Variants in SLC1A7 observed in about 807,000 individuals in gnomAD.
The protein encoded by SLC1A7 is excitatory amino acid transporter 5.
Under a neutral mutation model 47.7 loss-of-function variants are expected in SLC1A7, and 40 were observed. The observed-to-expected ratio is 0.84, with a 90% CI of 0.65 to 1.09. SLC1A7 has a LOEUF of 1.09. Ranked by LOEUF, SLC1A7 falls within the 50% of genes least tolerant of loss-of-function variation. The pLI is 0.00. For synonymous variants in SLC1A7, 323 were observed against 325.6 expected, an observed-to-expected ratio of 0.99 and a Z score of 0.09; for missense variants, 746 against 769.5, an observed-to-expected ratio of 0.97 and a Z score of 0.36.
rs764063522 is a variant in SLC1A7, at chr1:53,093,504, A to C, written c.754T>G (p.Cys252Gly). ...ATCTTCATGACCGACTCATTGAGGC[A>C]CTGGCAGAAGCTGACCAGGGGGGCC... Reference protein sequence around the residue: ...SGAPLVSFCQCLNESVMKIVA... With the variant: ...SGAPLVSFCQGLNESVMKIVA... The change falls in exon 6 of 11, where the codon TGC becomes GGC. Residue 252 changes from cysteine to glycine, a missense_variant. Coordinates refer to ENST00000371494, the MANE Select transcript of SLC1A7 (RefSeq NM_006671.6). 4 of 1,611,198 alleles carry C rather than the reference A, an allele frequency of 2.5e-6. No homozygotes were observed. The highest frequency in any genetic ancestry group is 3.4e-6 in the Non-Finnish European group (4 of 1,179,856).
intron 5 of SLC1A7, among the ~76,000 whole-genome samples, chr1:53,097,684 C>T (rs1240404307): frequency 6.7e-6 from 1 of 150,146 alleles, no homozygotes; most frequent in Non-Finnish European, 1.5e-5. Context: ...CGCTCTGCCT[C>T]AGTACACTCA....
At chr1:53,136,833 A>G (rs1009825952) in intron 1 of SLC1A7, among the ~76,000 whole-genome samples, 6 of 151,284 alleles carry the variant, frequency 4.0e-5, no homozygotes, top group Non-Finnish European at 8.8e-5. Flanking sequence ...AGCCCAGCTA[A>G]TTTTTGTATT....
intron 2 of SLC1A7, among the ~76,000 whole-genome samples, chr1:53,123,090 G>A (rs1475647780): frequency 6.6e-6 from 1 of 152,182 alleles, no homozygotes; most frequent in Non-Finnish European, 1.5e-5. Flanking sequence ...GAAGCTGGAG[G>A]AGCCACAGCT....
chr1:53,117,073 G>C (rs12043642), intron 2 of SLC1A7, among the ~76,000 whole-genome samples: 4 of 152,186 alleles, frequency 2.6e-5, no homozygotes, highest in African/African-American at 4.8e-5. Flanking sequence ...GAATCACTTC[G>C]AGCTAGGAAA....
chr1:53,124,335 G>T (rs1644858953), intron 2 of SLC1A7, among the ~76,000 whole-genome samples: 1 of 151,560 alleles, frequency 6.6e-6, no homozygotes, highest in Non-Finnish European at 1.5e-5. Flanking sequence ...GGCTGTCTTT[G>T]CTATGTTGTG....
In SLC1A7 at chr1:53,098,257, C is replaced by T. The variant is rs567678207; in HGVS notation, c.698-4697G>A. ...CCGCCTCAGTATACTCACCCTGCCT[C>T]GGTACACTCACACTGCCTTGGTAGG... On this transcript the variant is annotated intron_variant, in intron 5 of 10. Transcript: ENST00000371494. Among the ~76,000 whole-genome samples, 19 of 151,462 alleles carry T rather than the reference C, an allele frequency of 1.3e-4. 1 individual carries two copies. The South Asian group carries it at 2.7e-3, about 22-fold the overall frequency.
At chr1:53,136,619 T>TATAATATATAA (rs1557693401) in intron 1 of SLC1A7, among the ~76,000 whole-genome samples, 6 of 107,290 alleles carry the variant, frequency 5.6e-5, no homozygotes, top group Admixed American at 2.2e-4. Flanking sequence ...ATAATATATA[T>TATAATATATAA]AAACATATAT....
intron 2 of SLC1A7, among the ~76,000 whole-genome samples, chr1:53,124,513 C>T (rs1644860501): frequency 6.6e-6 from 1 of 152,190 alleles, no homozygotes; most frequent in Non-Finnish European, 1.5e-5. Flanking sequence ...AGATGCTGGT[C>T]TGACTTACCC....
At chr1:53,107,006 A>T (rs893921039) in intron 3 of SLC1A7, among the ~76,000 whole-genome samples, 3 of 151,912 alleles carry the variant, frequency 2.0e-5, no homozygotes, top group Admixed American at 6.6e-5. Flanking sequence ...AAATACAAAA[A>T]TTAGCTGAGT....
At chr1:53,088,457 G>C (rs1644383916) in intron 10 of SLC1A7, among the ~76,000 whole-genome samples, 1 of 152,102 alleles carries the variant, frequency 6.6e-6, no homozygotes, top group Non-Finnish European at 1.5e-5. Flanking sequence ...TTAATCCACA[G>C]GGTCCATCTG....
chr1:53,107,268 A>C (rs935313398), intron 3 of SLC1A7, among the ~76,000 whole-genome samples: 1 of 152,044 alleles, frequency 6.6e-6, no homozygotes, highest in Non-Finnish European at 1.5e-5. Context: ...GAACAAAATG[A>C]GCAATAAATC....
intron 2 of SLC1A7, among the ~76,000 whole-genome samples, chr1:53,117,117 G>T (rs1350227629): frequency 6.6e-6 from 1 of 152,228 alleles, no homozygotes; most frequent in Non-Finnish European, 1.5e-5. Flanking sequence ...GGTGGCATTT[G>T]ACCTGGCTCT....
At chr1:53,096,123 C>T (rs534130140) in intron 5 of SLC1A7, among the ~76,000 whole-genome samples, 40 of 150,628 alleles carry the variant, frequency 2.7e-4, no homozygotes, top group African/African-American at 9.6e-4. Context: ...CTCACACACC[C>T]CACCTCAGTA....
intron 1 of SLC1A7, among the ~76,000 whole-genome samples, chr1:53,141,410 T>A (rs761032081): frequency 6.6e-6 from 1 of 152,062 alleles, no homozygotes; most frequent in Non-Finnish European, 1.5e-5. Flanking sequence ...TCTTGATAAC[T>A]ACCCCCCTAC....
chr1:53,116,636 G>C (rs528164673), intron 2 of SLC1A7, among the ~76,000 whole-genome samples: 1 of 152,120 alleles, frequency 6.6e-6, no homozygotes, highest in East Asian at 1.9e-4. Context: ...ATTATCCCAC[G>C]CAGGGCCGGT....
intron 1 of SLC1A7, among the ~76,000 whole-genome samples, chr1:53,136,547 A>AACATAT (rs777467682): frequency 1.2e-5 from 1 of 84,018 alleles, no homozygotes; most frequent in Non-Finnish European, 2.4e-5. Context: ...CATATATATA[A>AACATAT]TATATATAAA....
chr1:53,129,545 GC>G (rs1644919299), intron 2 of SLC1A7, among the ~76,000 whole-genome samples: 1 of 100,924 alleles, frequency 9.9e-6, no homozygotes, highest in South Asian at 2.8e-4. Flanking sequence ...TGGGCCAGGG[GC>G]TGGGTTGGAG....
intron 5 of SLC1A7, among the ~76,000 whole-genome samples, chr1:53,099,866 G>A (rs1644551928): frequency 1.3e-5 from 2 of 148,312 alleles, no homozygotes; most frequent in Middle Eastern, 3.8e-3. Context: ...TACCACCTTG[G>A]TACACTCGCA....
intron 3 of SLC1A7, among the ~76,000 whole-genome samples, chr1:53,112,944 C>T (rs994177542): frequency 6.6e-6 from 1 of 151,864 alleles, no homozygotes; most frequent in Non-Finnish European, 1.5e-5. Flanking sequence ...CTCCAGCTCA[C>T]CCCTCTCCCA....
Sources: allele counts gnomAD v4.1 joint callset (sites outside exome capture counted in the v4.1 genomes callset), GRCh38; gene constraint gnomAD v4.1.1; transcripts MANE v1.5; gene names NCBI Gene and HGNC (gene_info 2026-07-23, HGNC 2026-07-21).